Variants in EGR2 observed in about 807,000 individuals in gnomAD.
The protein encoded by EGR2 is early growth response 2, also known as E3 SUMO-protein ligase EGR2.
In EGR2, 2 loss-of-function variants were observed where a neutral mutation model predicts 21.2. The observed-to-expected ratio is 0.09, with a 90% confidence interval of 0.04 to 0.30. The LOEUF (loss-of-function observed/expected upper bound fraction) is 0.30. Among genes scored for constraint, EGR2 ranks in the 10% least tolerant of loss-of-function variants. EGR2 has a pLI of 1.00. For missense variants in EGR2, 458 were observed against 630.2 expected, an observed-to-expected ratio of 0.73 and a Z score of 2.93; for synonymous variants, 282 against 258.2, an observed-to-expected ratio of 1.09 and a Z score of -0.88.
Position 62,816,148 on chromosome 10 carries a change from A to G in EGR2, c.-119T>C, listed in dbSNP as rs1842263071. On this transcript the variant is annotated 5_prime_UTR_variant, in exon 1 of 2. Coordinates refer to ENST00000242480, the MANE Select transcript of EGR2 (RefSeq NM_000399.5). Reference sequence around the variant, plus strand: ...TATCTCCTTTTGCCCTCCACACTTAAAAACAACCACCACACACACCAAGAA... The same window carrying G: ...TATCTCCTTTTGCCCTCCACACTTAGAAACAACCACCACACACACCAAGAA... 3.3e-5 allele frequency: 53 copies of G among 1,598,854 alleles called. No homozygotes were observed. In the South Asian group the frequency reaches 5.3e-4, roughly 16 times the overall value.
chr10:62,813,468 G>A lies in EGR2; in HGVS notation c.1170C>T (p.Arg390=), dbSNP rs1842166717. The change falls in exon 2 of 2, where the codon CGC becomes CGT. Residue 390 remains arginine, a synonymous_variant. Transcript: ENST00000242480. This position sits in a 1 kb window ranked among gnomAD's most constrained non-coding sequence, Gnocchi z 5.7. ...CGAAGGGCTTCTCACCGGTGTGGGT[G>A]CGGATATGGGTGGTGAGGTGGTCAC... is the stretch of plus-strand genomic sequence containing the variant. ...SRSDHLTTHI[R]THTGEKPFAC... is the part of the protein sequence containing the mutation. 5 of 1,614,080 alleles carry A rather than the reference G, an allele frequency of 3.1e-6. No homozygotes were observed. Among genetic ancestry groups the A allele is most frequent in the South Asian group, 2.2e-5 (2 of 91,088 alleles).
In EGR2 at chr10:62,814,068, T is replaced by G; in HGVS notation, c.570A>C (p.Ser190=). Residue 190 remains serine (S), a synonymous_variant, in exon 2 of 2, where the codon TCA becomes TCC. Transcript: ENST00000242480. The surrounding 1 kb of genome is among the most constrained non-coding windows in gnomAD (Gnocchi z 4.8). ...AGGAAGAGGTGGAGGTGGTGGCTGC[T>G]GACAGGAACGCAGAAGGGTCCTGGT... is the stretch of plus-strand genomic sequence containing the variant. ...DLYQDPSAFL[S]AATTSTSSSL... 6.2e-7 allele frequency: 1 copy of G among 1,614,036 alleles called. No homozygotes were observed. The highest frequency in any genetic ancestry group is 1.1e-5 in the South Asian group (1 of 91,078).
At chr10:62,817,565 C>G (rs1242993103), upstream of EGR2, among the ~76,000 whole-genome samples, 1 of 152,060 alleles carries the variant, frequency 6.6e-6, no homozygotes, top group African/African-American at 2.4e-5. The surrounding 1 kb of genome is among the most constrained non-coding windows in gnomAD (Gnocchi z 4.4). Flanking sequence ...CAGGACCGCG[C>G]CCTGCCCGCA....
Position 62,816,171 on chromosome 10 carries a change from G to A in EGR2, c.-142C>T. ...TAAAAACAACCACCACACACACCAA[G>A]AAAAAAAAATCAACAGAAATAAAAG... On this transcript the variant is annotated 5_prime_UTR_variant, in exon 1 of 2. Coordinates refer to ENST00000242480, the MANE Select transcript of EGR2 (RefSeq NM_000399.5). The A allele has an allele frequency of 1.6e-5, 24 of 1,533,452 alleles. No individual in the cohort carries two copies. Among genetic ancestry groups the A allele is most frequent in the Admixed American group, 8.8e-5 (4 of 45,698 alleles). 95.0% of individuals were successfully genotyped at this position (1,533,452 alleles called of 1,614,324 possible).
upstream of EGR2, chr10:62,818,752 G>T: frequency 2.8e-6 from 1 of 355,518 alleles, no homozygotes; most frequent in Non-Finnish European, 4.2e-6. Context: ...GCACCCACCG[G>T]CAGCAAGCGC....
Position 62,813,269 on chromosome 10 carries a change from T to A in EGR2, c.1369A>T (p.Asn457Tyr), listed in dbSNP as rs748686483. 6.4e-7 allele frequency: 1 copy of A among 1,567,618 alleles called. No individual in the cohort carries two copies. Among genetic ancestry groups the A allele is most frequent in the South Asian group, 1.2e-5 (1 of 82,414 alleles). The change falls in exon 2 of 2, where the codon AAC becomes TAC. Residue 457 changes from asparagine (N) to tyrosine (Y), a missense_variant. Coordinates refer to ENST00000242480, the MANE Select transcript of EGR2 (RefSeq NM_000399.5). This position sits in a 1 kb window ranked among gnomAD's most constrained non-coding sequence, Gnocchi z 5.7. Reference sequence around the variant, plus strand: ...GGCCCTCCGCCAAGACTGCTGCTGTTACTGCTGCACAGGGTACCCCCAGGC... The same window carrying A: ...GGCCCTCCGCCAAGACTGCTGCTGTAACTGCTGCACAGGGTACCCCCAGGC... ...VQPGGTLCSS[N>Y]SSSLGGGPLA... is the part of the protein sequence containing the mutation.
In EGR2 at chr10:62,813,012, G is replaced by C; in HGVS notation, c.*195C>G. The stretch of plus-strand genomic sequence containing the variant: ...TTGGGTTGATAGTCAACTCACCTAA[G>C]AGAGACTAGAATGGGCTAAGTTTTA... On this transcript the variant is annotated 3_prime_UTR_variant, in exon 2 of 2. Transcript: ENST00000242480. This position sits in a 1 kb window ranked among gnomAD's most constrained non-coding sequence, Gnocchi z 5.7. 3.4e-6 allele frequency: 2 copies of C among 593,738 alleles called. No homozygotes were observed. Among genetic ancestry groups the C allele is most frequent in the East Asian group, 2.9e-5 (1 of 34,230 alleles). The allele number at this position is 593,738 out of a possible 1,614,324, so 36.8% of individuals were successfully genotyped here. A position where few individuals can be genotyped will look rare whatever the true frequency, so the allele number is the denominator to read the frequency against.
At position 62,814,586 on chromosome 10, in the gene EGR2, G is replaced by T; in HGVS notation, c.170-118C>A. 9.7e-7 allele frequency: 1 copy of T among 1,030,122 alleles called. No homozygotes were observed. The allele number at this position is 1,030,122 out of a possible 1,614,324, so 63.8% of individuals were successfully genotyped here. A position where few individuals can be genotyped will look rare whatever the true frequency, so the allele number is the denominator to read the frequency against. ...CCGAGAGTCTCAGCACTGTAGAGCT[G>T]TGGCAAAGTCCAAAAGGTGGGGAAA... On this transcript the variant is annotated intron_variant, in intron 1 of 1. Coordinates refer to ENST00000242480, the MANE Select transcript of EGR2 (RefSeq NM_000399.5). This position sits in a 1 kb window ranked among gnomAD's most constrained non-coding sequence, Gnocchi z 4.8.
rs1291642661 is a variant in EGR2 at position 62,812,054 on chromosome 10, A to T, written c.*1153T>A. On this transcript the variant is annotated 3_prime_UTR_variant, in exon 2 of 2. Transcript: ENST00000242480. ...ACAAACCATCCATTATCTGAACTTCAGTTAGTGGTTTTGCGTTAGAATAGA... is the reference window on the plus strand; with the variant it reads ...ACAAACCATCCATTATCTGAACTTCTGTTAGTGGTTTTGCGTTAGAATAGA... 6.5e-6 allele frequency: 1 copy of T among 152,764 alleles called. No homozygotes were observed. The highest frequency in any genetic ancestry group is 1.5e-5 in the Non-Finnish European group (1 of 68,042). 9.5% of individuals were successfully genotyped at this position (152,764 alleles called of 1,614,324 possible). A position where few individuals can be genotyped will look rare whatever the true frequency, so the allele number is the denominator to read the frequency against.
chr10:62,818,112 C>T (rs1277654936), upstream of EGR2, among the ~76,000 whole-genome samples: 1 of 152,234 alleles, frequency 6.6e-6, no homozygotes, highest in Non-Finnish European at 1.5e-5. Flanking sequence ...GGGCGGGAGC[C>T]ACGGCGCCAC....
At position 62,813,838 on chromosome 10, in the gene EGR2, G is replaced by T. The variant is rs756821902; in HGVS notation, c.800C>A (p.Thr267Lys). The T allele has an allele frequency of 1.2e-6, 2 of 1,614,046 alleles. No homozygotes were observed. The highest frequency in any genetic ancestry group is 2.7e-5 in the African/African-American group (2 of 74,930). ...RVPPPLTPLS[T>K]IRNFTLGGPS... ...GCCCCCCAGGGTAAAGTTACGGATT[G>T]TAGAGAGTGGAGTGAGTGGAGGGGG... is the stretch of plus-strand genomic sequence containing the variant. The change falls in exon 2 of 2, where the codon ACA (threonine) becomes AAA (lysine). Residue 267 changes from threonine to lysine, a missense_variant. Thr to Lys is a moderately conservative substitution (Grantham distance 78, BLOSUM62 -1). Around this residue, in one of 5 missense-constraint regions of EGR2, gnomAD observed 253 missense variants for 315.5 expected, o/e 0.80. Coordinates refer to ENST00000242480, the MANE Select transcript of EGR2 (RefSeq NM_000399.5). The surrounding 1 kb of genome is among the most constrained non-coding windows in gnomAD (Gnocchi z 5.7).
upstream of EGR2, among the ~76,000 whole-genome samples, chr10:62,818,846 G>T (rs1838318341): frequency 6.6e-6 from 1 of 152,056 alleles, no homozygotes; most frequent in Non-Finnish European, 1.5e-5. Flanking sequence ...GCCGCCCCGC[G>T]ACTGGCGCTG....
At position 62,813,117 on chromosome 10, in the gene EGR2, A is replaced by C; in HGVS notation, c.*90T>G. 1.5e-6 allele frequency: 2 copies of C among 1,377,476 alleles called. No homozygotes were observed. Among genetic ancestry groups the C allele is most frequent in the South Asian group, 1.4e-5 (1 of 70,560 alleles). 85.3% of individuals were successfully genotyped at this position (1,377,476 alleles called of 1,614,324 possible). A position where few individuals can be genotyped will look rare whatever the true frequency, so the allele number is the denominator to read the frequency against. On this transcript the variant is annotated 3_prime_UTR_variant, in exon 2 of 2. Transcript: ENST00000242480. The surrounding 1 kb of genome is among the most constrained non-coding windows in gnomAD (Gnocchi z 5.7). ...TTGCCCAACAAAGGGAGAGAGGGAC[A>C]GGAAAGGGTGGTAGTGTTTGTTGTG...
upstream of EGR2, among the ~76,000 whole-genome samples, chr10:62,816,694 G>A (rs2132714830): frequency 6.6e-6 from 1 of 152,306 alleles, no homozygotes; most frequent in African/African-American, 2.4e-5. Context: ...CAGCCTCCCG[G>A]GGCGGGGAGG....
Position 62,813,195 on chromosome 10 carries a change from C to T in EGR2, c.*12G>A. 6.4e-7 allele frequency: 1 copy of T among 1,556,204 alleles called. No individual in the cohort carries two copies. Among genetic ancestry groups the T allele is most frequent in the South Asian group, 1.2e-5 (1 of 81,722 alleles). ...GACCTTTGGGAGCTGGTGTATCAGC[C>T]TGAGTCTCATCTCAAGGTGTCCGGG... is the stretch of plus-strand genomic sequence containing the variant. On this transcript the variant is annotated 3_prime_UTR_variant, in exon 2 of 2. Coordinates refer to ENST00000242480, the MANE Select transcript of EGR2 (RefSeq NM_000399.5). The surrounding 1 kb of genome is among the most constrained non-coding windows in gnomAD (Gnocchi z 5.7).
chr10:62,813,839 T>C lies in EGR2; in HGVS notation c.799A>G (p.Thr267Ala), dbSNP rs1041555586. ...CCCCCCAGGGTAAAGTTACGGATTG[T>C]AGAGAGTGGAGTGAGTGGAGGGGGC... ...RVPPPLTPLS[T>A]IRNFTLGGPS... Residue 267 changes from threonine (T) to alanine (A), a missense_variant, in exon 2 of 2, where the codon ACA becomes GCA. Thr to Ala is a moderately conservative substitution (Grantham distance 58, BLOSUM62 0). This residue lies in a region of EGR2 where 253 missense variants were observed against 315.5 expected (regional missense o/e 0.80). Transcript: ENST00000242480. The surrounding 1 kb of genome is among the most constrained non-coding windows in gnomAD (Gnocchi z 5.7). 2 of 1,613,766 alleles carry C rather than the reference T, an allele frequency of 1.2e-6. No individual in the cohort carries two copies. Among genetic ancestry groups the C allele is most frequent in the Non-Finnish European group, 8.5e-7 (1 of 1,179,934 alleles).
upstream of EGR2, among the ~76,000 whole-genome samples, chr10:62,817,330 G>T (rs1838275764): frequency 6.6e-6 from 1 of 151,950 alleles, no homozygotes; most frequent in Non-Finnish European, 1.5e-5. This position sits in a 1 kb window ranked among gnomAD's most constrained non-coding sequence, Gnocchi z 4.4. Flanking sequence ...CTCCACTTCC[G>T]CTACACACTC....
chr10:62,813,812 G>A lies in EGR2; in HGVS notation c.826C>T (p.Pro276Ser). 1 of 1,613,916 alleles carries A rather than the reference G, an allele frequency of 6.2e-7. No homozygotes were observed. Among genetic ancestry groups the A allele is most frequent in the Non-Finnish European group, 8.5e-7 (1 of 1,179,930 alleles). The stretch of plus-strand genomic sequence containing the variant: ...CCTGGTCCGGTCACCCCAGCACTGG[G>A]GCCCCCCAGGGTAAAGTTACGGATT... ...STIRNFTLGG[P>S]SAGVTGPGAS... The change falls in exon 2 of 2, where the codon CCC becomes TCC. Residue 276 changes from proline to serine, a missense_variant. By Grantham distance (74) the Pro-to-Ser change is moderately conservative (BLOSUM62 -1). Coordinates refer to ENST00000242480, the MANE Select transcript of EGR2 (RefSeq NM_000399.5). The surrounding 1 kb of genome is among the most constrained non-coding windows in gnomAD (Gnocchi z 5.7).
chr10:62,816,058 C>T lies in EGR2; in HGVS notation c.-29G>A, dbSNP rs765108137. The T allele has an allele frequency of 1.4e-5, 22 of 1,613,966 alleles. No individual in the cohort carries two copies. The highest frequency in any genetic ancestry group is 1.8e-5 in the Non-Finnish European group (21 of 1,180,004). On this transcript the variant is annotated 5_prime_UTR_variant, in exon 1 of 2. Coordinates refer to ENST00000242480, the MANE Select transcript of EGR2 (RefSeq NM_000399.5). ...CTCCTCGCACAACCTGGAGACCCAA[C>T]TCCCTCGCTACCTGGAGTGTCAGAA...
Sources: allele counts gnomAD v4.1 joint callset (sites outside exome capture counted in the v4.1 genomes callset), GRCh38; gene constraint gnomAD v4.1.1; regional missense constraint gnomAD v4.1.1; non-coding constraint Gnocchi (gnomAD v3.1); transcripts MANE v1.5; gene names NCBI Gene and HGNC (gene_info 2026-07-23, HGNC 2026-07-21).